The following NRCAM variants were observed in gnomAD, a reference collection of about 807,000 sequenced individuals.
NRCAM encodes the protein neuronal cell adhesion molecule, also known as NgCAM-related cell adhesion molecule.
A neutral mutation model predicts 156.5 loss-of-function variants in NRCAM; 83 were observed. The ratio of observed to expected loss-of-function variants is 0.53; its 90% CI spans 0.44 to 0.64. The LOEUF is 0.64. Among genes scored for constraint, NRCAM ranks in the 30% least tolerant of loss-of-function variants. The pLI is 0.00. For missense variants in NRCAM, 1,417 were observed against 1,597.3 expected (o/e 0.89, Z 1.92); for synonymous variants, 538 against 563.9 (o/e 0.95, Z 0.65).
chr7:108,150,741 A>C (rs779869779), intron 32 of NRCAM: 22 of 533,468 alleles, frequency 4.1e-5, no homozygotes, highest in African/African-American at 3.3e-4. Context: ...CAGAAGAAAC[A>C]AATGAAAACA....
chr7:108,158,442 T>C (rs2046849865), intron 32 of NRCAM, among the ~76,000 whole-genome samples: 1 of 152,176 alleles, frequency 6.6e-6, no homozygotes, highest in East Asian at 1.9e-4. Flanking sequence ...TAGGATTATG[T>C]CACATGAAAT....
At chr7:108,367,248 T>C (rs959520434) in intron 2 of NRCAM, among the ~76,000 whole-genome samples, 5 of 152,206 alleles carry the variant, frequency 3.3e-5, no homozygotes, top group African/African-American at 9.6e-5. Flanking sequence ...CTTTGAAATA[T>C]CATCCTGCTA....
intron 2 of NRCAM, among the ~76,000 whole-genome samples, chr7:108,333,608 G>A (rs868821128): frequency 6.6e-6 from 1 of 151,992 alleles, no homozygotes; most frequent in African/African-American, 2.4e-5. Context: ...ATGATGTTTT[G>A]GGGACATGTT....
At chr7:108,152,381 G>A (rs1338856971) in intron 32 of NRCAM, among the ~76,000 whole-genome samples, 3 of 151,886 alleles carry the variant, frequency 2.0e-5, no homozygotes, top group Non-Finnish European at 4.4e-5. Flanking sequence ...AGCCTGGCAG[G>A]TTCTAGGAAC....
intron 11 of NRCAM, among the ~76,000 whole-genome samples, chr7:108,216,620 C>CT (rs2089129379): frequency 6.6e-6 from 1 of 152,102 alleles, no homozygotes; most frequent in Non-Finnish European, 1.5e-5. Context: ...CTTTTTCATT[C>CT]TTTTTTCTCT....
At chr7:108,378,485 T>G (rs2099685872) in intron 2 of NRCAM, among the ~76,000 whole-genome samples, 1 of 151,956 alleles carries the variant, frequency 6.6e-6, no homozygotes, top group South Asian at 2.1e-4. Flanking sequence ...AATAAAGGAC[T>G]AACATTTATA....
chr7:108,447,255 CTTTCTTTTTTTTTTTT>C (rs1845377355), intron 1 of NRCAM, among the ~76,000 whole-genome samples: 1 of 104,538 alleles, frequency 9.6e-6, no homozygotes, highest in African/African-American at 3.4e-5. Context: ...AAGTTCACTT[CTTTCTTTTTTTTTTTT>C]TTTTTTTTTT....
chr7:108,261,939 C>G (rs1269655), intron 3 of NRCAM, among the ~76,000 whole-genome samples: 69,449 of 151,938 alleles, frequency 0.46, 18,017 homozygotes, highest in East Asian at 0.86. Flanking sequence ...CCCTGGCAGA[C>G]AGTTCTGAAA....
rs747850264 is a variant in NRCAM at position 108,226,188 on chromosome 7, T to A, written c.721+20A>T. ...TTGTAAATGTCATTGAAGGGGAGAT[T>A]TGGGAAGCTGAACTCTTACCTGAAA... On this transcript the variant is annotated intron_variant, in intron 9 of 32. Transcript: ENST00000379028. 34 of 1,545,502 alleles carry A rather than the reference T, an allele frequency of 2.2e-5. 1 individual carries two copies. The highest frequency in any genetic ancestry group is 3.0e-5 in the Non-Finnish European group (34 of 1,144,008).
At chr7:108,327,015 T>A (rs2099075955) in intron 2 of NRCAM, among the ~76,000 whole-genome samples, 1 of 152,206 alleles carries the variant, frequency 6.6e-6, no homozygotes, top group Non-Finnish European at 1.5e-5. Flanking sequence ...TATTTCCACT[T>A]TCCAACCAAA....
At chr7:108,372,617 A>G (rs1313692980) in intron 2 of NRCAM, among the ~76,000 whole-genome samples, 1 of 152,156 alleles carries the variant, frequency 6.6e-6, no homozygotes, top group Non-Finnish European at 1.5e-5. Flanking sequence ...ATCATTAGTC[A>G]TTAAGGAAAT....
At chr7:108,266,316 T>C (rs190730706) in intron 3 of NRCAM, among the ~76,000 whole-genome samples, 10 of 152,330 alleles carry the variant, frequency 6.6e-5, no homozygotes, top group Admixed American at 6.5e-4. Flanking sequence ...GTTGTATCCA[T>C]ACTAGGAAGG....
At chr7:108,306,959 AT>A (rs2098724309) in intron 3 of NRCAM, among the ~76,000 whole-genome samples, 1 of 152,214 alleles carries the variant, frequency 6.6e-6, no homozygotes, top group Admixed American at 6.5e-5. Context: ...CCTGGGTGGG[AT>A]TATGCACAGG....
chr7:108,376,591 G>A (rs1422940843), intron 2 of NRCAM, among the ~76,000 whole-genome samples: 3 of 152,138 alleles, frequency 2.0e-5, no homozygotes, highest in Non-Finnish European at 4.4e-5. Context: ...GTCTACCAAT[G>A]AGCATCTGTA....
chr7:108,309,613 T>G (rs2098771919), intron 3 of NRCAM, among the ~76,000 whole-genome samples: 1 of 152,172 alleles, frequency 6.6e-6, no homozygotes, highest in African/African-American at 2.4e-5. Context: ...TTCCAGTACT[T>G]TGTGAGGCCA....
At chr7:108,166,849 C>T in intron 30 of NRCAM, 72 bp downstream of exon 30, 1 of 1,425,664 alleles carries the variant, frequency 7.0e-7, no homozygotes, top group South Asian at 1.2e-5. Context: ...CACCAGCCCC[C>T]ATCTCCAGCT....
rs1228943319 is a variant in NRCAM, at chr7:108,184,327, C to T, written c.2234-16G>A. 1.9e-6 allele frequency: 3 copies of T among 1,613,888 alleles called. No individual in the cohort carries two copies. The highest frequency in any genetic ancestry group is 2.7e-5 in the African/African-American group (2 of 74,916). On this transcript the variant is annotated splice_polypyrimidine_tract_variant and intron_variant, in intron 21 of 32. Transcript: ENST00000379028. ...TTATCTGGTTCTGGAAGTTAAGCAG[C>T]CACACATGTGTAAGCTTTGGCCTTT...
chr7:108,191,470 C>A (rs538873391), intron 18 of NRCAM, among the ~76,000 whole-genome samples, 187 bp from the exon 19 acceptor site: 1 of 152,200 alleles, frequency 6.6e-6, no homozygotes, highest in African/African-American at 2.4e-5. Flanking sequence ...ATTTTAGATA[C>A]AAGTAGATCA....
intron 2 of NRCAM, among the ~76,000 whole-genome samples, chr7:108,398,357 T>C (rs2099782855): frequency 1.3e-5 from 2 of 152,204 alleles, no homozygotes; most frequent in African/African-American, 2.4e-5. Context: ...CTCTATTCGA[T>C]GCTGCTTCTA....
Sources: allele counts gnomAD v4.1 joint callset (sites outside exome capture counted in the v4.1 genomes callset), GRCh38; gene constraint gnomAD v4.1.1; transcripts MANE v1.5; gene names NCBI Gene and HGNC (gene_info 2026-07-23, HGNC 2026-07-21).